The following ZNF850 variants were observed in gnomAD, a reference collection of about 807,000 sequenced individuals.
ZNF850 encodes the protein zinc finger protein 850.
In ZNF850, 2 loss-of-function variants were observed where a neutral mutation model predicts 11.9. The ratio of observed to expected loss-of-function variants is 0.17; its 90% CI spans 0.07 to 0.53. ZNF850 has a LOEUF of 0.53. Among genes scored for constraint, ZNF850 ranks in the 20% least tolerant of loss-of-function variants. The pLI is 0.94. For synonymous variants in ZNF850, 381 were observed against 443.0 expected (o/e 0.86, Z 1.76); for missense variants, 1,014 against 1,316.4 (o/e 0.77, Z 3.55).
intron 1 of ZNF850, among the ~76,000 whole-genome samples, chr19:36,769,781 C>G (rs2040570719): frequency 6.6e-6 from 1 of 152,100 alleles, no homozygotes; most frequent in African/African-American, 2.4e-5. Flanking sequence ...GGAGATTTCT[C>G]CCCATCAGCA....
At chr19:36,752,101 A>C (rs1349410634) in intron 4 of ZNF850, among the ~76,000 whole-genome samples, 1 of 151,608 alleles carries the variant, frequency 6.6e-6, no homozygotes, top group Non-Finnish European at 1.5e-5. Context: ...CTTAAAATTC[A>C]ATGAATGAAT....
chr19:36,761,732 G>A lies in ZNF850; in HGVS notation c.146C>T (p.Ser49Phe). 1 of 1,531,072 alleles carries A rather than the reference G, an allele frequency of 6.5e-7. No homozygotes were observed. The highest frequency in any genetic ancestry group is 1.2e-5 in the South Asian group (1 of 84,698). The allele number at this position is 1,531,072 out of a possible 1,614,324, so 94.8% of individuals were successfully genotyped here. A position where few individuals can be genotyped will look rare whatever the true frequency, so the allele number is the denominator to read the frequency against. The part of the protein sequence containing the change: ...NYSSLVSLGL[S>F]IPKPDVISLL... ...GGAAATCACATCAGGCTTTGGGATA[G>A]AGAGACCTGTTTATAAGAAAAGAAG... Residue 49 changes from serine to phenylalanine, a missense_variant, in exon 4 of 5, where the codon TCT (serine) becomes TTT (phenylalanine). By Grantham distance (155) the Ser-to-Phe change is radical. Transcript: ENST00000591344.
At chr19:36,751,623 G>A (rs1267270513) in intron 4 of ZNF850, among the ~76,000 whole-genome samples, 1 of 149,164 alleles carries the variant, frequency 6.7e-6, no homozygotes, top group African/African-American at 2.5e-5. Flanking sequence ...ACTTGAGCCC[G>A]GGAGGCTGAG....
Position 36,762,195 on chromosome 19 carries a change from A to G in ZNF850, c.139+110T>C. On this transcript the variant is annotated intron_variant, in intron 3 of 4. Transcript: ENST00000591344. ...AGTGACCCCAAAGAGCTGCCCATCT[A>G]TTAATCTACAAAACACAAAACAATT... is the stretch of plus-strand genomic sequence containing the variant. 5.5e-6 allele frequency: 5 copies of G among 911,050 alleles called. No individual in the cohort carries two copies. In the South Asian group the frequency reaches 8.4e-5, roughly 15 times the overall value. 56.4% of individuals were successfully genotyped at this position (911,050 alleles called of 1,614,324 possible).
chr19:36,769,261 CA>C (rs74174432), intron 1 of ZNF850, among the ~76,000 whole-genome samples: 17 of 51,558 alleles, frequency 3.3e-4, no homozygotes, highest in East Asian at 2.2e-3. Context: ...AAGACTGTCT[CA>C]AAAAAAAAAA....
At chr19:36,751,758 TTAA>T (rs2040455652) in intron 4 of ZNF850, among the ~76,000 whole-genome samples, 1 of 143,384 alleles carries the variant, frequency 7.0e-6, no homozygotes, top group African/African-American at 2.6e-5. Context: ...GGGGTTTCCA[TTAA>T]TAATAATAGA....
chr19:36,754,204 C>A (rs2040471758), intron 4 of ZNF850, among the ~76,000 whole-genome samples: 1 of 148,064 alleles, frequency 6.8e-6, no homozygotes. Context: ...AAATACATCA[C>A]TAATTATAAG....
chr19:36,758,176 G>A (rs12986257), intron 4 of ZNF850, among the ~76,000 whole-genome samples: 37,318 of 151,952 alleles, frequency 0.25, 4,654 homozygotes, highest in South Asian at 0.35. Context: ...ATGCCTTACA[G>A]GTGTAGTATG....
intron 1 of ZNF850, 24 bp from the exon 2 acceptor site, chr19:36,762,699 A>C: frequency 7.7e-7 from 1 of 1,305,726 alleles, no homozygotes; most frequent in South Asian, 1.3e-5. Flanking sequence ...AAACACATTG[A>C]TATATTATTT....
intron 4 of ZNF850, 70 bp downstream of exon 4, chr19:36,761,573 C>T (rs1168966214): frequency 1.9e-5 from 16 of 840,524 alleles, no homozygotes; most frequent in East Asian, 2.7e-5. Flanking sequence ...AATACCTGTA[C>T]GGTGCTGCCT....
chr19:36,768,276 G>A (rs1003960971), intron 1 of ZNF850, among the ~76,000 whole-genome samples: 5 of 151,434 alleles, frequency 3.3e-5, no homozygotes, highest in South Asian at 2.1e-4. Context: ...TTCAATAAAC[G>A]TAGGTTATTC....
Position 36,749,780 on chromosome 19 carries a change from G to T in ZNF850, c.1260C>A (p.Pro420=). The T allele has an allele frequency of 6.4e-7, 1 of 1,556,928 alleles. No individual in the cohort carries two copies. Among genetic ancestry groups the T allele is most frequent in the Non-Finnish European group, 8.7e-7 (1 of 1,154,250 alleles). ...GHQAIHTGEK[P]YDCKECGKSF... ...ATTTTCCACATTCTTTACAATCATA[G>T]GGTTTCTCACCAGTGTGAATTGCCT... is the stretch of plus-strand genomic sequence containing the variant. Residue 420 remains proline, a synonymous_variant, in exon 5 of 5, where the codon CCC becomes CCA. Transcript: ENST00000591344.
At position 36,750,058 on chromosome 19, in the gene ZNF850, G is replaced by A; in HGVS notation, c.982C>T (p.Gln328Ter). ...FTVGSTLIRHQQIHTGEKPYD... is the reference protein window; with the variant it reads ...FTVGSTLIRH ...GGTTTCTCACCAGTGTGAATTTGCT[G>A]GTGTCGAATTAGTGTTGAGCCAACA... Residue 328 changes from glutamine (Q) to a stop codon, truncating the protein, a stop_gained, in exon 5 of 5, where the codon CAG (glutamine) becomes TAG (stop). Transcript: ENST00000591344. LOFTEE classifies it low-confidence loss of function (END_TRUNC). 6.5e-7 allele frequency: 1 copy of A among 1,540,284 alleles called. No homozygotes were observed. The highest frequency in any genetic ancestry group is 1.2e-5 in the South Asian group (1 of 84,074).
chr19:36,747,307 A>G lies in ZNF850; in HGVS notation c.*460T>C, dbSNP rs2040416972. On this transcript the variant is annotated 3_prime_UTR_variant, in exon 5 of 5. Coordinates refer to ENST00000591344, the MANE Select transcript of ZNF850 (RefSeq NM_001193552.2). ...GTCATTGACCACATTCTCTAATATG[A>G]ATTTGTATAACTTCAATAAGCTTTG... 1 of 154,524 alleles carries G rather than the reference A, an allele frequency of 6.5e-6. No individual in the cohort carries two copies. The highest frequency in any genetic ancestry group is 6.4e-5 in the Admixed American group (1 of 15,632). The allele number at this position is 154,524 out of a possible 1,614,324, so 9.6% of individuals were successfully genotyped here.
rs747510773 is a variant in ZNF850, at chr19:36,749,189, A to G, written c.1851T>C (p.Tyr617=). ...AGGCCTTCCCACATTCCTTACAATC[A>G]TAAGGTTTCTCACCAGTGTGAATTT... ...HQQIHTGEKP[Y]DCKECGKAFR... is the part of the protein sequence containing the mutation. Residue 617 remains tyrosine (Y), a synonymous_variant, in exon 5 of 5, where the codon TAT becomes TAC. Transcript: ENST00000591344. 6 of 1,605,024 alleles carry G rather than the reference A, an allele frequency of 3.7e-6. No individual in the cohort carries two copies. The Admixed American group carries it at 1.0e-4, about 27-fold the overall frequency.
In ZNF850 at chr19:36,749,370, C is replaced by T. The variant is rs1401989035; in HGVS notation, c.1670G>A (p.Gly557Asp). Reference sequence around the variant, plus strand: ...TTCTTTACAATCATAGGGTTTCTCACCAGTGTGAACTGCCTGATGTCCAAT... The same window carrying T: ...TTCTTTACAATCATAGGGTTTCTCATCAGTGTGAACTGCCTGATGTCCAAT... ...GLIGHQAVHTGEKPYDCKECG... is the reference protein window; with the variant it reads ...GLIGHQAVHTDEKPYDCKECG... Residue 557 changes from glycine to aspartate, a missense_variant, in exon 5 of 5, where the codon GGT (glycine) becomes GAT (aspartate). This residue lies in a region of ZNF850 where 835 missense variants were observed against 1,022.0 expected (regional missense o/e 0.82). Coordinates refer to ENST00000591344, the MANE Select transcript of ZNF850 (RefSeq NM_001193552.2). 3 of 1,549,640 alleles carry T rather than the reference C, an allele frequency of 1.9e-6. No individual in the cohort carries two copies. The highest frequency in any genetic ancestry group is 2.6e-6 in the Non-Finnish European group (3 of 1,152,212).
At chr19:36,751,751 G>T (rs2040455628) in intron 4 of ZNF850, among the ~76,000 whole-genome samples, 1 of 149,846 alleles carries the variant, frequency 6.7e-6, no homozygotes, top group Admixed American at 6.7e-5. Flanking sequence ...TAAAGTAGGG[G>T]TTTCCATTAA....
chr19:36,761,483 T>G (rs962483176), intron 4 of ZNF850, among the ~76,000 whole-genome samples, 160 bp downstream of exon 4: 2 of 151,898 alleles, frequency 1.3e-5, no homozygotes, highest in African/African-American at 4.8e-5. Flanking sequence ...AAAGTGTGTG[T>G]GGGGGTGTAT....
chr19:36,768,806 T>C (rs2040563371), intron 1 of ZNF850, among the ~76,000 whole-genome samples: 1 of 151,526 alleles, frequency 6.6e-6, no homozygotes, highest in African/African-American at 2.4e-5. Context: ...GTGCAAACAA[T>C]ACAAATATTA....
Sources: gnomAD v4.1 joint callset for allele counts (sites outside exome capture counted in the v4.1 genomes callset) on GRCh38, gnomAD v4.1.1 for gene constraint, gnomAD v4.1.1 regional missense constraint, MANE v1.5 for transcripts, NCBI Gene and HGNC (gene_info 2026-07-23, HGNC 2026-07-21) for gene names.